The following PDCD7 variants were observed in gnomAD, a reference collection of about 807,000 sequenced individuals.
PDCD7 encodes the protein programmed cell death protein 7.
A neutral mutation model predicts 42.1 loss-of-function variants in PDCD7; 40 were observed. The ratio of observed to expected loss-of-function variants is 0.95; its 90% CI spans 0.74 to 1.24. The LOEUF (loss-of-function observed/expected upper bound fraction) is 1.24. PDCD7 is among the 50% of genes most tolerant of loss of function. The pLI, the probability that PDCD7 is intolerant of heterozygous loss-of-function variation, is 0.00. For missense variants in PDCD7, 644 were observed against 662.8 expected (o/e 0.97, Z 0.31); for synonymous variants, 299 against 303.3 (o/e 0.99, Z 0.15).
intron 2 of PDCD7, among the ~76,000 whole-genome samples, chr15:65,124,965 C>A (rs1364961422): frequency 6.6e-6 from 1 of 152,176 alleles, no homozygotes; most frequent in Non-Finnish European, 1.5e-5. Context: ...TTCCACAAGT[C>A]TCTGTTGGCT....
Position 65,133,524 on chromosome 15 carries a change from C to G in PDCD7, c.258G>C (p.Pro86=), listed in dbSNP as rs1450629912. ...GAGAFYPVPP[P]PLPPPPPQCR... is the part of the protein sequence containing the mutation. ...ACTGGGGCGGCGGAGGAGGCAGCGG[C>G]GGTGGTGGCACCGGGTAGAAGGCGC... Residue 86 remains proline (P), a synonymous_variant, in exon 1 of 5, where the codon CCG becomes CCC. Coordinates refer to ENST00000204549, the MANE Select transcript of PDCD7 (RefSeq NM_005707.2). 5 of 1,227,834 alleles carry G rather than the reference C, an allele frequency of 4.1e-6. No homozygotes were observed. Among genetic ancestry groups the G allele is most frequent in the Admixed American group, 8.5e-5 (2 of 23,518 alleles). The allele number at this position is 1,227,834 out of a possible 1,614,324, so 76.1% of individuals were successfully genotyped here. A position where few individuals can be genotyped will look rare whatever the true frequency, so the allele number is the denominator to read the frequency against.
chr15:65,121,354 C>T (rs189061450), intron 2 of PDCD7, among the ~76,000 whole-genome samples: 65 of 152,176 alleles, frequency 4.3e-4, no homozygotes, highest in African/African-American at 1.5e-3. Flanking sequence ...TACCTGGCTT[C>T]GACTTTGTTT....
rs1189124955 is a variant in PDCD7 at position 65,119,725 on chromosome 15, C to G, written c.1239G>C (p.Gly413=). ...GGTTATAGAGCAACATACCTGGATC[C>G]CCAAACAACTTGGACTCAATTTCAC... ...QKREIESKLF[G]DPDEFPLAHL... Residue 413 remains glycine (G), a synonymous_variant, in exon 3 of 5, where the codon GGG becomes GGC. Coordinates refer to ENST00000204549, the MANE Select transcript of PDCD7 (RefSeq NM_005707.2). 1 of 1,609,972 alleles carries G rather than the reference C, an allele frequency of 6.2e-7. No individual in the cohort carries two copies. The highest frequency in any genetic ancestry group is 1.3e-5 in the African/African-American group (1 of 74,360).
chr15:65,123,308 C>T (rs1436784449), intron 2 of PDCD7, among the ~76,000 whole-genome samples: 2 of 152,196 alleles, frequency 1.3e-5, no homozygotes, highest in Non-Finnish European at 2.9e-5. Context: ...CTGCCTCAGC[C>T]TCCCGAGTAG....
In PDCD7 at chr15:65,129,086, G is replaced by C. The variant is rs375004088; in HGVS notation, c.955C>G (p.Leu319Val). 1 of 1,613,946 alleles carries C rather than the reference G, an allele frequency of 6.2e-7. No homozygotes were observed. Among genetic ancestry groups the C allele is most frequent in the African/African-American group, 1.3e-5 (1 of 74,928 alleles). The change falls in exon 2 of 5, where the codon CTA (leucine) becomes GTA (valine). Residue 319 changes from leucine (L) to valine (V), a missense_variant. By Grantham distance (32) the Leu-to-Val change is conservative. Coordinates refer to ENST00000204549, the MANE Select transcript of PDCD7 (RefSeq NM_005707.2). ...TTCCTCAATTTCTCCAAAGCCCGTAGAATGTCCACCATTCTTTTGGTATCT... is the reference window on the plus strand; with the variant it reads ...TTCCTCAATTTCTCCAAAGCCCGTACAATGTCCACCATTCTTTTGGTATCT... ...QADTKRMVDI[L>V]RALEKLRKLR...
chr15:65,127,397 C>G (rs2140583551), intron 2 of PDCD7, among the ~76,000 whole-genome samples: 1 of 146,690 alleles, frequency 6.8e-6, no homozygotes, highest in Admixed American at 7.1e-5. Context: ...GCGGAGCTTG[C>G]AGTGAGCCGA....
At chr15:65,130,935 A>G (rs1453577010) in intron 1 of PDCD7, among the ~76,000 whole-genome samples, 1 of 152,118 alleles carries the variant, frequency 6.6e-6, no homozygotes, top group East Asian at 1.9e-4. Context: ...GGGCTTTTAC[A>G]GCACCTATAG....
intron 4 of PDCD7, 69 bp downstream of exon 4, chr15:65,119,307 T>C: frequency 3.0e-6 from 3 of 1,002,656 alleles, no homozygotes; most frequent in South Asian, 1.4e-5. Context: ...ACCTAAACAA[T>C]GTAAGCACTT....
At chr15:65,118,963 G>T in intron 4 of PDCD7, 123 bp from the exon 5 acceptor site, 1 of 614,934 alleles carries the variant, frequency 1.6e-6, no homozygotes, top group Non-Finnish European at 2.5e-6. Flanking sequence ...TACAGAACTT[G>T]ATTTCTAGGA....
intron 2 of PDCD7, among the ~76,000 whole-genome samples, chr15:65,121,238 A>G (rs2087452716): frequency 6.6e-6 from 1 of 151,842 alleles, no homozygotes. Flanking sequence ...TTGTATTTTT[A>G]GTAGATGTTT....
rs949005811 is a variant in PDCD7, at chr15:65,117,992, C to T, written c.*725G>A. On this transcript the variant is annotated 3_prime_UTR_variant, in exon 5 of 5. Coordinates refer to ENST00000204549, the MANE Select transcript of PDCD7 (RefSeq NM_005707.2). ...CCTTGGGGATTCTGAACAACTAGAC[C>T]CTTAGAAACTTAAAAATAACAGGTG... 1 of 151,974 alleles carries T rather than the reference C, an allele frequency of 6.6e-6. No homozygotes were observed. Among genetic ancestry groups the T allele is most frequent in the Non-Finnish European group, 1.5e-5 (1 of 68,012 alleles). 9.4% of individuals were successfully genotyped at this position (151,974 alleles called of 1,614,324 possible).
At chr15:65,126,408 C>G (rs2087496427) in intron 2 of PDCD7, among the ~76,000 whole-genome samples, 1 of 152,184 alleles carries the variant, frequency 6.6e-6, no homozygotes, top group Non-Finnish European at 1.5e-5. Flanking sequence ...AGGTCCCCAA[C>G]TGAACTTGTC....
intron 2 of PDCD7, among the ~76,000 whole-genome samples, chr15:65,121,434 ATTGT>A (rs971367568): frequency 3.9e-5 from 6 of 152,120 alleles, no homozygotes; most frequent in African/African-American, 1.4e-4. Context: ...TCTTAACTTC[ATTGT>A]TTGTGAAATT....
chr15:65,125,606 G>T (rs374511752), intron 2 of PDCD7, among the ~76,000 whole-genome samples: 26 of 152,092 alleles, frequency 1.7e-4, no homozygotes, highest in Non-Finnish European at 3.1e-4. Context: ...ATAATAAAAA[G>T]AATAATAATA....
In PDCD7 at chr15:65,129,142, C is replaced by T; in HGVS notation, c.899G>A (p.Gly300Asp). ...REQELKAAAD[G>D]VLSEVRKKQA... The stretch of plus-strand genomic sequence containing the variant: ...TTTTTTCCTCACTTCAGATAGTACG[C>T]CATCAGCGGCTGCTTTGAGTTCCTG... The change falls in exon 2 of 5, where the codon GGC becomes GAC. Residue 300 changes from glycine to aspartate, a missense_variant. Gly to Asp is a moderately conservative substitution (Grantham distance 94). Transcript: ENST00000204549. The T allele has an allele frequency of 6.2e-7, 1 of 1,613,952 alleles. No individual in the cohort carries two copies. The highest frequency in any genetic ancestry group is 2.2e-5 in the East Asian group (1 of 44,886).
At position 65,118,831 on chromosome 15, in the gene PDCD7, C is replaced by T. The variant is rs1595925943; in HGVS notation, c.1344G>A (p.Trp448Ter). The change falls in exon 5 of 5, where the codon TGG (tryptophan) becomes TGA (stop). Residue 448 changes from tryptophan (W) to a stop codon, truncating the protein, a stop_gained. Coordinates refer to ENST00000204549, the MANE Select transcript of PDCD7 (RefSeq NM_005707.2). LOFTEE classifies it high-confidence loss of function. ...GATCGGATGGCACCAGGTACTGATC[C>T]CAATCATGCCTTAATAAGAACATTA... ...LPALIQIRHD[W>*]DQYLVPSDHP... 2 of 1,586,120 alleles carry T rather than the reference C, an allele frequency of 1.3e-6. No individual in the cohort carries two copies. Among genetic ancestry groups the T allele is most frequent in the South Asian group, 2.3e-5 (2 of 85,894 alleles).
Position 65,133,674 on chromosome 15 carries a change from A to G in PDCD7, c.108T>C (p.Ala36=). 1 of 1,266,568 alleles carries G rather than the reference A, an allele frequency of 7.9e-7. No homozygotes were observed. The highest frequency in any genetic ancestry group is 2.7e-4 in the Middle Eastern group (1 of 3,712). The allele number at this position is 1,266,568 out of a possible 1,614,324, so 78.5% of individuals were successfully genotyped here. ...GCPPPPLPSP[A]FPPPLPQRPG... is the part of the protein sequence containing the mutation. ...GCCGCTGGGGGAGAGGCGGCGGGAA[A>G]GCCGGGGAGGGCAGCGGCGGTGGCG... Residue 36 remains alanine, a synonymous_variant, in exon 1 of 5, where the codon GCT becomes GCC. Coordinates refer to ENST00000204549, the MANE Select transcript of PDCD7 (RefSeq NM_005707.2).
chr15:65,132,240 CTAAT>C (rs1324563753), intron 1 of PDCD7, among the ~76,000 whole-genome samples: 2 of 150,960 alleles, frequency 1.3e-5, no homozygotes, highest in Non-Finnish European at 2.9e-5. Context: ...GCCCCATCAG[CTAAT>C]TAGAGTATAT....
chr15:65,130,425 TG>T (rs550752725), intron 1 of PDCD7, among the ~76,000 whole-genome samples: 19 of 152,048 alleles, frequency 1.2e-4, no homozygotes, highest in Non-Finnish European at 2.8e-4. Flanking sequence ...CTCAAAGTGT[TG>T]GGATTACAGG....
Sources: allele counts gnomAD v4.1 joint callset (sites outside exome capture counted in the v4.1 genomes callset), GRCh38; gene constraint gnomAD v4.1.1; transcripts MANE v1.5; gene names NCBI Gene and HGNC (gene_info 2026-07-23, HGNC 2026-07-21).